TMEM44: variants seen among roughly 807,000 people sequenced by gnomAD.
The protein encoded by TMEM44 is transmembrane protein 44.
TMEM44 carries 43 observed loss-of-function variants against 47.8 expected under a neutral mutation model. The observed-to-expected ratio is 0.90, with a 90% confidence interval of 0.70 to 1.16. TMEM44 has a LOEUF of 1.16. Among genes scored for constraint, TMEM44 ranks in the 50% most tolerant of loss-of-function variants. TMEM44 has a pLI of 0.00. For missense variants in TMEM44, 568 were observed against 555.2 expected, an observed-to-expected ratio of 1.02 and a Z score of -0.23; for synonymous variants, 277 against 238.8, an observed-to-expected ratio of 1.16 and a Z score of -1.48.
intron 8 of TMEM44, among the ~76,000 whole-genome samples, chr3:194,607,747 G>A (rs1181333627): frequency 6.6e-6 from 1 of 152,196 alleles, no homozygotes; most frequent in Admixed American, 6.5e-5. Flanking sequence ...GTTGGCTGCT[G>A]TTGTTTACTC....
chr3:194,601,594 C>T (rs967920044), intron 9 of TMEM44, among the ~76,000 whole-genome samples: 23 of 152,112 alleles, frequency 1.5e-4, no homozygotes, highest in African/African-American at 4.6e-4. Flanking sequence ...TGAGCCACCC[C>T]GCCTGGCCAT....
chr3:194,629,586 T>G (rs893732204), intron 1 of TMEM44, among the ~76,000 whole-genome samples: 5 of 146,292 alleles, frequency 3.4e-5, no homozygotes, highest in African/African-American at 1.3e-4. Context: ...ACATGCCTCC[T>G]GAAGGGGCTG....
At chr3:194,597,743 G>A (rs2794667) in intron 9 of TMEM44, among the ~76,000 whole-genome samples, 74,931 of 151,610 alleles carry the variant, frequency 0.49, 19,044 homozygotes, top group Non-Finnish European at 0.56. Flanking sequence ...GTTTGGTCCC[G>A]TCCCTGCTGT....
At chr3:194,624,064 C>T (rs112341651) in intron 3 of TMEM44, among the ~76,000 whole-genome samples, 2,705 of 152,278 alleles carry the variant, frequency 0.018, 78 homozygotes, top group African/African-American at 0.062. Flanking sequence ...AGAGCAGAAC[C>T]GGTACAAGTG....
chr3:194,628,557 C>T (rs748054060), intron 1 of TMEM44, 48 bp from the exon 2 acceptor site: 1 of 1,551,230 alleles, frequency 6.4e-7, no homozygotes, highest in Non-Finnish European at 8.7e-7. Flanking sequence ...TGAGTTTGGA[C>T]CCAAACGCAT....
In TMEM44 at chr3:194,617,286, A is replaced by C; in HGVS notation, c.613-17T>G. 7 of 641,924 alleles carry C rather than the reference A, an allele frequency of 1.1e-5. No homozygotes were observed. The highest frequency in any genetic ancestry group is 1.5e-5 in the Non-Finnish European group (6 of 393,328). The allele number at this position is 641,924 out of a possible 1,614,324, so 39.8% of individuals were successfully genotyped here. A position where few individuals can be genotyped will look rare whatever the true frequency, so the allele number is the denominator to read the frequency against. ...CCCCCGGCACTGGGCAGAGAGAGGG[A>C]GGGGCTGGGCGGGAGAAGCAGCAGA... On this transcript the variant is annotated splice_polypyrimidine_tract_variant and intron_variant, in intron 5 of 9. Transcript: ENST00000347147.
intron 1 of TMEM44, among the ~76,000 whole-genome samples, chr3:194,632,099 C>T (rs961918531): frequency 3.3e-5 from 5 of 152,200 alleles, no homozygotes; most frequent in Admixed American, 6.5e-5. Flanking sequence ...AGTTATTTAA[C>T]CTCTCAGAAC....
intron 3 of TMEM44, 137 bp from the exon 4 acceptor site, chr3:194,623,832 C>G: frequency 8.8e-7 from 1 of 1,130,992 alleles, no homozygotes; most frequent in Non-Finnish European, 1.3e-6. Context: ...AGGCCAGCTC[C>G]TCCCCACCCT....
intron 1 of TMEM44, 82 bp from the exon 2 acceptor site, chr3:194,628,591 C>T: frequency 1.4e-6 from 2 of 1,469,336 alleles, no homozygotes; most frequent in Middle Eastern, 1.8e-4. Context: ...GCAACTGTGA[C>T]CCCGCATCGT....
chr3:194,624,699 A>T (rs1366370390), intron 3 of TMEM44, among the ~76,000 whole-genome samples: 3 of 149,410 alleles, frequency 2.0e-5, no homozygotes, highest in East Asian at 3.9e-4. Context: ...GATTACAGGC[A>T]TGAGCCACCA....
At chr3:194,618,814 C>T (rs534976995) in intron 5 of TMEM44, among the ~76,000 whole-genome samples, 2 of 152,304 alleles carry the variant, frequency 1.3e-5, no homozygotes, top group African/African-American at 2.4e-5. Flanking sequence ...TCACATTTCC[C>T]TCTGCGTCCC....
At chr3:194,622,970 G>A (rs1051792850) in intron 5 of TMEM44, 6 of 402,172 alleles carry the variant, frequency 1.5e-5, no homozygotes, top group Non-Finnish European at 2.7e-5. Context: ...ATTTGCTATA[G>A]GAAATGGGGA....
intron 9 of TMEM44, among the ~76,000 whole-genome samples, chr3:194,598,997 G>A (rs75436433): frequency 0.043 from 6,622 of 152,302 alleles, 211 homozygotes; most frequent in African/African-American, 0.083. Context: ...TGAGGGAACC[G>A]CAGCCAGCCT....
chr3:194,630,860 C>T (rs566329583), intron 1 of TMEM44, among the ~76,000 whole-genome samples: 1,812 of 144,230 alleles, frequency 0.013, 5 homozygotes, highest in South Asian at 0.018. Flanking sequence ...AATACGCTGT[C>T]GTACCTGCCT....
In TMEM44 at chr3:194,615,548, G is replaced by A. The variant is rs146778687; in HGVS notation, c.912+21C>T. 740 of 1,612,236 alleles carry A rather than the reference G, an allele frequency of 4.6e-4. 4 individuals are homozygous for A. In the African/African-American group the frequency reaches 8.9e-3, roughly 19 times the overall value. On this transcript the variant is annotated intron_variant, in intron 7 of 9. Transcript: ENST00000347147. ...GGGACCAGAGTTTTCCAGCCAGAGA[G>A]ACCTTGTCCTCGTTCCTCACCTCCT...
chr3:194,626,127 C>T, intron 2 of TMEM44, 137 bp from the exon 3 acceptor site: 1 of 653,162 alleles, frequency 1.5e-6, no homozygotes. Context: ...GGGACACCTC[C>T]TGCCAACCCC....
chr3:194,603,701 A>C (rs2109169529), intron 9 of TMEM44, among the ~76,000 whole-genome samples: 2 of 152,228 alleles, frequency 1.3e-5, no homozygotes, highest in South Asian at 4.2e-4. Context: ...CCCAGCCAAC[A>C]CCAAGACTTT....
intron 1 of TMEM44, among the ~76,000 whole-genome samples, chr3:194,631,974 C>G (rs1013745056): frequency 6.6e-6 from 1 of 152,220 alleles, no homozygotes; most frequent in Non-Finnish European, 1.5e-5. Context: ...AAGGATAATG[C>G]GTGTCCAGCG....
At chr3:194,619,605 C>T (rs1236135127) in intron 5 of TMEM44, among the ~76,000 whole-genome samples, 3 of 152,234 alleles carry the variant, frequency 2.0e-5, no homozygotes, top group Admixed American at 2.0e-4. Context: ...CCCACCAAAG[C>T]CACCCAGCCA....
Sources: allele counts gnomAD v4.1 joint callset (sites outside exome capture counted in the v4.1 genomes callset), GRCh38; gene constraint gnomAD v4.1.1; transcripts MANE v1.5; gene names NCBI Gene and HGNC (gene_info 2026-07-23, HGNC 2026-07-21).